The following UBXN2B variants were observed in gnomAD, a reference collection of about 807,000 sequenced individuals.
The protein encoded by UBXN2B is UBX domain protein 2B.
In UBXN2B, 19 loss-of-function variants were observed where a neutral mutation model predicts 37.5. The observed-to-expected ratio is 0.51, with a 90% CI of 0.35 to 0.74. The LOEUF (loss-of-function observed/expected upper bound fraction) is 0.74. Ranked by LOEUF, UBXN2B falls within the 30% of genes least tolerant of loss-of-function variation. The probability of loss-of-function intolerance (pLI) is 0.01; values close to 1 mark genes in which losing one functional copy is unlikely to be tolerated. For synonymous variants in UBXN2B, 145 were observed against 143.8 expected (o/e 1.01, Z -0.06); for missense variants, 370 against 393.2 (o/e 0.94, Z 0.50).
chr8:58,436,806 C>T (rs561814542), intron 5 of UBXN2B, among the ~76,000 whole-genome samples: 1 of 152,278 alleles, frequency 6.6e-6, no homozygotes, highest in African/African-American at 2.4e-5. Flanking sequence ...TTGTAAGTTC[C>T]CTGCGGCTTC....
At chr8:58,443,741 G>C (rs1275234446) in intron 6 of UBXN2B, among the ~76,000 whole-genome samples, 2 of 152,078 alleles carry the variant, frequency 1.3e-5, no homozygotes, top group East Asian at 3.8e-4. Flanking sequence ...TCAGGAGGCA[G>C]AGGTTGCAGT....
intron 5 of UBXN2B, 117 bp downstream of exon 5, chr8:58,434,621 A>G (rs1808367260): frequency 1.0e-6 from 1 of 966,214 alleles, no homozygotes; most frequent in South Asian, 2.1e-5. Flanking sequence ...AATATATTAA[A>G]TAAATGGTTG....
chr8:58,443,922 A>C (rs967955083), intron 6 of UBXN2B, among the ~76,000 whole-genome samples: 2 of 152,186 alleles, frequency 1.3e-5, no homozygotes, highest in African/African-American at 4.8e-5. Flanking sequence ...CATGTCTTTT[A>C]GTCTCTCTGT....
At chr8:58,428,196 G>C (rs1808153091) in intron 2 of UBXN2B, among the ~76,000 whole-genome samples, 4 of 152,196 alleles carry the variant, frequency 2.6e-5, no homozygotes, top group Admixed American at 2.6e-4. Flanking sequence ...GCACGGGAAA[G>C]ATGGGTACCA....
chr8:58,426,262 A>C, intron 2 of UBXN2B: 1 of 513,694 alleles, frequency 1.9e-6, no homozygotes, highest in Non-Finnish European at 3.5e-6. Context: ...GCTGGAGTGC[A>C]GTGGCATGAT....
chr8:58,411,522 G>T (rs2129603513), intron 1 of UBXN2B, 53 bp downstream of exon 1: 2 of 1,229,752 alleles, frequency 1.6e-6, no homozygotes, highest in South Asian at 3.6e-5. Context: ...GGCTGGTGAC[G>T]GCGCGGGCTG....
In UBXN2B at chr8:58,433,947, A is replaced by G. The variant is rs146315366; in HGVS notation, c.424-448A>G. ...AGTTTTAATTTTATTTTAGACATTG[A>G]TAGTTTCTTGGAAGGTCACTGGAAA... On this transcript the variant is annotated intron_variant, in intron 4 of 7. Transcript: ENST00000399598. 8.7e-4 allele frequency among the ~76,000 whole-genome samples: 132 copies of G among 152,272 alleles called. 1 individual carries two copies. In the East Asian group the frequency reaches 0.019, roughly 22 times the overall value.
chr8:58,434,363 A>G, intron 4 of UBXN2B, 32 bp from the exon 5 acceptor site: 1 of 584,458 alleles, frequency 1.7e-6, no homozygotes, highest in Non-Finnish European at 2.4e-6. Context: ...ATATATATAT[A>G]TATATATTTT....
At chr8:58,433,446 A>G (rs1173581804) in intron 4 of UBXN2B, among the ~76,000 whole-genome samples, 1 of 152,064 alleles carries the variant, frequency 6.6e-6, no homozygotes, top group Admixed American at 6.6e-5. Flanking sequence ...AGAGATATGG[A>G]ACTATTTGTT....
Position 58,449,231 on chromosome 8 carries a change from G to A in UBXN2B, c.*1680G>A, listed in dbSNP as rs894044734. On this transcript the variant is annotated 3_prime_UTR_variant, in exon 8 of 8. Coordinates refer to ENST00000399598, the MANE Select transcript of UBXN2B (RefSeq NM_001077619.2). ...TGCAAAATCTCTTTTACCATCTAAG[G>A]TTACATACAGGTTTGGAGATTAGGA... is the stretch of plus-strand genomic sequence containing the variant. The A allele has an allele frequency of 2.6e-5, 4 of 152,086 alleles. No homozygotes were observed. Among genetic ancestry groups the A allele is most frequent in the African/African-American group, 9.7e-5 (4 of 41,392 alleles). 9.4% of individuals were successfully genotyped at this position (152,086 alleles called of 1,614,324 possible).
At chr8:58,418,385 T>C (rs1169807072) in intron 2 of UBXN2B, among the ~76,000 whole-genome samples, 1 of 152,198 alleles carries the variant, frequency 6.6e-6, no homozygotes, top group East Asian at 1.9e-4. Flanking sequence ...TTATTCCTGT[T>C]TTGAATTTCT....
chr8:58,421,995 T>A (rs1483022133), intron 2 of UBXN2B, among the ~76,000 whole-genome samples: 1 of 152,210 alleles, frequency 6.6e-6, no homozygotes, highest in Non-Finnish European at 1.5e-5. Flanking sequence ...ACAATCAAAC[T>A]CTTGTGTGCT....
At chr8:58,438,994 C>T (rs1243008514) in intron 5 of UBXN2B, among the ~76,000 whole-genome samples, 1 of 152,146 alleles carries the variant, frequency 6.6e-6, no homozygotes, top group Non-Finnish European at 1.5e-5. Context: ...CACTCAAGAG[C>T]TGGTTGTTTA....
At chr8:58,415,444 A>G (rs995186842) in intron 1 of UBXN2B, among the ~76,000 whole-genome samples, 1 of 151,922 alleles carries the variant, frequency 6.6e-6, no homozygotes, top group Non-Finnish European at 1.5e-5. Flanking sequence ...TCTCTCCTCT[A>G]TCATTTGTTT....
At chr8:58,426,136 C>T in intron 2 of UBXN2B, 1 of 1,154,836 alleles carries the variant, frequency 8.7e-7, no homozygotes, top group Non-Finnish European at 1.3e-6. Flanking sequence ...AATGCCGGAC[C>T]AACTCAGCCA....
rs528101489 is a variant in UBXN2B, at chr8:58,448,195, T to A, written c.*644T>A. 6.7e-6 allele frequency: 1 copy of A among 149,126 alleles called. No homozygotes were observed. The highest frequency in any genetic ancestry group is 1.5e-5 in the Non-Finnish European group (1 of 67,408). 9.2% of individuals were successfully genotyped at this position (149,126 alleles called of 1,614,324 possible). A position where few individuals can be genotyped will look rare whatever the true frequency, so the allele number is the denominator to read the frequency against. On this transcript the variant is annotated 3_prime_UTR_variant, in exon 8 of 8. Transcript: ENST00000399598. ...ATTCTTTTTTTTTTTTTTTTTGATA[T>A]GGAGTTTTGCTCTTGTTGCCCAGGC...
In UBXN2B at chr8:58,433,263, T is replaced by G. The variant is rs747859190; in HGVS notation, c.423+20T>G. 7.0e-6 allele frequency: 11 copies of G among 1,565,718 alleles called. No individual in the cohort carries two copies. Among genetic ancestry groups the G allele is most frequent in the Admixed American group, 3.6e-5 (2 of 55,382 alleles). ...CAAGATGTAGGTACAATAATCAAAA[T>G]GAAAAAGTATAAATATTTGCTTCTA... On this transcript the variant is annotated intron_variant, in intron 4 of 7. Transcript: ENST00000399598.
Position 58,436,726 on chromosome 8 carries a change from A to G in UBXN2B, c.533+2222A>G, listed in dbSNP as rs368649441. Reference sequence around the variant, plus strand: ...AGCTGATTGTTTAAAAGAGCCTGGAACCTCCCCTTCTCTCTTGCTTCCACT... The same window carrying G: ...AGCTGATTGTTTAAAAGAGCCTGGAGCCTCCCCTTCTCTCTTGCTTCCACT... On this transcript the variant is annotated intron_variant, in intron 5 of 7. Transcript: ENST00000399598. Among the ~76,000 whole-genome samples the G allele has an allele frequency of 2.7e-5, 4 of 150,666 alleles. No individual in the cohort carries two copies. In the East Asian group the frequency reaches 5.9e-4, roughly 22 times the overall value.
At chr8:58,430,156 A>G (rs534065842) in intron 2 of UBXN2B, among the ~76,000 whole-genome samples, 1 of 152,298 alleles carries the variant, frequency 6.6e-6, no homozygotes, top group Non-Finnish European at 1.5e-5. Flanking sequence ...CTTAGGGAGA[A>G]GGGACTATCT....
Sources: gnomAD v4.1 joint callset for allele counts (sites outside exome capture counted in the v4.1 genomes callset) on GRCh38, gnomAD v4.1.1 for gene constraint, MANE v1.5 for transcripts, NCBI Gene and HGNC (gene_info 2026-07-23, HGNC 2026-07-21) for gene names.